The following MACROH2A2 variants were observed in gnomAD, a reference collection of about 807,000 sequenced individuals.
The protein encoded by MACROH2A2 is core histone macro-H2A.2.
A neutral mutation model predicts 37.6 loss-of-function variants in MACROH2A2; 6 were observed. The observed-to-expected ratio is 0.16, with a 90% CI of 0.09 to 0.32. MACROH2A2 has a LOEUF of 0.32. MACROH2A2 is among the 10% of genes least tolerant of loss of function. MACROH2A2 has a pLI of 1.00. For missense variants in MACROH2A2, 290 were observed against 485.9 expected, an observed-to-expected ratio of 0.60 and a Z score of 3.79; for synonymous variants, 192 against 202.7, an observed-to-expected ratio of 0.95 and a Z score of 0.45.
chr10:70,069,152 A>AT (rs2072094695), intron 1 of MACROH2A2, among the ~76,000 whole-genome samples: 1 of 152,330 alleles, frequency 6.6e-6, no homozygotes, highest in South Asian at 2.1e-4. Flanking sequence ...GGTGTTATAT[A>AT]TAAAATCTAA....
rs2072135014 is a variant in MACROH2A2 at position 70,075,628 on chromosome 10, G to A, written c.-31G>A. ...TGTGTTAGTGCCGGGAGGCCACTGTGTCAGCAAGCTGAGAGGGAAACTGAA... is the reference window on the plus strand; with the variant it reads ...TGTGTTAGTGCCGGGAGGCCACTGTATCAGCAAGCTGAGAGGGAAACTGAA... On this transcript the variant is annotated 5_prime_UTR_variant, in exon 2 of 9. Transcript: ENST00000373255. The surrounding 1 kb of genome is among the most constrained non-coding windows in gnomAD (Gnocchi z 5.0). The A allele has an allele frequency of 6.2e-7, 1 of 1,609,644 alleles. No individual in the cohort carries two copies.
chr10:70,070,065 C>T (rs1280656738), intron 1 of MACROH2A2, among the ~76,000 whole-genome samples: 1 of 152,090 alleles, frequency 6.6e-6, no homozygotes, highest in East Asian at 1.9e-4. Context: ...CCTTGCTTCC[C>T]CTAGGGATTC....
chr10:70,101,547 C>T (rs2136640920), intron 7 of MACROH2A2, among the ~76,000 whole-genome samples: 1 of 152,346 alleles, frequency 6.6e-6, no homozygotes, highest in East Asian at 1.9e-4. Flanking sequence ...GGACCCCGGA[C>T]ATGTTCCAAG....
chr10:70,104,414 C>T (rs185769562), intron 7 of MACROH2A2, among the ~76,000 whole-genome samples: 6 of 151,042 alleles, frequency 4.0e-5, no homozygotes, highest in Admixed American at 3.3e-4. Flanking sequence ...TGGTGGCTCA[C>T]GCCTGTAATC....
chr10:70,059,236 TG>T (rs368666897), intron 1 of MACROH2A2, among the ~76,000 whole-genome samples: 88 of 152,168 alleles, frequency 5.8e-4, no homozygotes, highest in African/African-American at 2.1e-3. Flanking sequence ...GGTTCTCAGG[TG>T]GGGCTCCACA....
intron 6 of MACROH2A2, chr10:70,098,479 T>G (rs1225862750): frequency 6.6e-6 from 1 of 152,128 alleles, no homozygotes; most frequent in Non-Finnish European, 1.5e-5. Flanking sequence ...CGCACTGCAG[T>G]TGGTTGATGA....
intron 2 of MACROH2A2, among the ~76,000 whole-genome samples, chr10:70,087,721 A>G (rs1344168002): frequency 6.6e-6 from 1 of 152,144 alleles, no homozygotes; most frequent in African/African-American, 2.4e-5. Flanking sequence ...ACACTCCTCA[A>G]ATTTTAGTGC....
At chr10:70,105,748 G>C (rs562803861) in intron 7 of MACROH2A2, among the ~76,000 whole-genome samples, 1 of 152,108 alleles carries the variant, frequency 6.6e-6, no homozygotes, top group South Asian at 2.1e-4. Flanking sequence ...TGGGGGTGGA[G>C]TGGGGGTGAA....
chr10:70,067,090 A>G (rs963215865), intron 1 of MACROH2A2, among the ~76,000 whole-genome samples: 1 of 152,212 alleles, frequency 6.6e-6, no homozygotes, highest in East Asian at 1.9e-4. Flanking sequence ...TGAGTCAACA[A>G]TATCTATTAA....
chr10:70,111,650 C>T lies in MACROH2A2; in HGVS notation c.1086C>T (p.Tyr362=), dbSNP rs1318999805. Residue 362 remains tyrosine, a synonymous_variant, in exon 9 of 9, where the codon TAC becomes TAT. Coordinates refer to ENST00000373255, the MANE Select transcript of MACROH2A2 (RefSeq NM_018649.3). ...TCGACAGCGAGAGCATCGGCATCTA[C>T]GTGCAGGAGATGGCCAAGCTCGACG... The part of the protein sequence containing the change: ...LLFDSESIGI[Y]VQEMAKLDAK The T allele has an allele frequency of 8.1e-6, 13 of 1,611,944 alleles. No individual in the cohort carries two copies. In the South Asian group the frequency reaches 8.8e-5, roughly 11 times the overall value.
At chr10:70,089,954 A>G in intron 2 of MACROH2A2, 106 bp from the exon 3 acceptor site, 1 of 778,700 alleles carries the variant, frequency 1.3e-6, no homozygotes, top group Non-Finnish European at 2.3e-6. Flanking sequence ...AGACATAGAA[A>G]TCACAAATGA....
At chr10:70,092,541 G>T (rs1209981327) in intron 4 of MACROH2A2, among the ~76,000 whole-genome samples, 1 of 152,224 alleles carries the variant, frequency 6.6e-6, no homozygotes. Context: ...CACAGAACAG[G>T]AGGGAAGTTT....
intron 1 of MACROH2A2, among the ~76,000 whole-genome samples, chr10:70,067,752 T>C (rs962999662): frequency 2.6e-5 from 4 of 152,144 alleles, no homozygotes; most frequent in African/African-American, 7.2e-5. Context: ...TCCTCTCATA[T>C]GATGATGACA....
rs56247035 is a variant in MACROH2A2 at position 70,079,565 on chromosome 10, GCACACACACACA to G, written c.172+3765_172+3776del. On this transcript the variant is annotated intron_variant, in intron 2 of 8. Coordinates refer to ENST00000373255, the MANE Select transcript of MACROH2A2 (RefSeq NM_018649.3). ...ACGTTGAGGGTTCGCGCGCGCGCGC[GCACACACACACA>G]CACACACACACACACACACACACAC... 2.7e-4 allele frequency among the ~76,000 whole-genome samples: 34 copies of G among 126,264 alleles called. No homozygotes were observed. The South Asian group carries it at 4.1e-3, about 15-fold the overall frequency. The allele number at this position is 126,264 out of a possible 152,430, so 82.8% of individuals were successfully genotyped here.
At chr10:70,083,809 T>G (rs1589835760) in intron 2 of MACROH2A2, among the ~76,000 whole-genome samples, 1 of 149,110 alleles carries the variant, frequency 6.7e-6, no homozygotes, top group South Asian at 2.2e-4. Context: ...TGAACAAGCT[T>G]GCCTCCCAGA....
intron 4 of MACROH2A2, among the ~76,000 whole-genome samples, chr10:70,092,390 A>G (rs1311147567): frequency 6.6e-6 from 1 of 152,096 alleles, no homozygotes; most frequent in Non-Finnish European, 1.5e-5. Context: ...CCATGATGGC[A>G]CCACTGCACT....
At chr10:70,103,782 A>G (rs1007342177) in intron 7 of MACROH2A2, among the ~76,000 whole-genome samples, 4 of 152,246 alleles carry the variant, frequency 2.6e-5, no homozygotes, top group Middle Eastern at 6.8e-3. Context: ...ACTTCTCATC[A>G]GCAAAAAAAA....
At chr10:70,093,908 T>C in intron 5 of MACROH2A2, 63 bp downstream of exon 5, 1 of 832,840 alleles carries the variant, frequency 1.2e-6, no homozygotes, top group Non-Finnish European at 2.0e-6. Flanking sequence ...ACCTACTGTT[T>C]ACAAGCAATG....
At chr10:70,109,471 C>T (rs1483338610) in intron 8 of MACROH2A2, among the ~76,000 whole-genome samples, 1 of 152,222 alleles carries the variant, frequency 6.6e-6, no homozygotes, top group African/African-American at 2.4e-5. Context: ...AAGGCTAGCC[C>T]AGGGGAGGAG....
Sources: gnomAD v4.1 joint callset for allele counts (sites outside exome capture counted in the v4.1 genomes callset) on GRCh38, gnomAD v4.1.1 for gene constraint, Gnocchi (gnomAD v3.1) non-coding constraint, MANE v1.5 for transcripts, NCBI Gene and HGNC (gene_info 2026-07-23, HGNC 2026-07-21) for gene names.